Variants in TNFSF4 observed in about 807,000 individuals in gnomAD.
TNFSF4 encodes tumor necrosis factor ligand superfamily member 4.
Under a neutral mutation model 7.3 loss-of-function variants are expected in TNFSF4, and 4 were observed. The ratio of observed to expected loss-of-function variants is 0.55; its 90% CI spans 0.27 to 1.25. The LOEUF is 1.25. Among genes scored for constraint, TNFSF4 ranks in the 50% most tolerant of loss-of-function variants. TNFSF4 has a pLI of 0.12. For missense variants in TNFSF4, 181 were observed against 208.8 expected (o/e 0.87, Z 0.82); for synonymous variants, 76 against 83.7 (o/e 0.91, Z 0.50).
the TNFSF4 span, among the ~76,000 whole-genome samples, chr1:173,442,400 C>A: frequency 6.6e-6 from 1 of 152,124 alleles, no homozygotes; most frequent in South Asian, 2.1e-4. Context: ...AAACCAAATG[C>A]AACACCTCTC....
chr1:173,202,491 T>A (rs577963077), intron 1 of TNFSF4, among the ~76,000 whole-genome samples: 1 of 152,296 alleles, frequency 6.6e-6, no homozygotes, highest in East Asian at 1.9e-4. Context: ...TCTAATCAAC[T>A]CTTCAGGAAA....
the TNFSF4 span, among the ~76,000 whole-genome samples, chr1:173,412,035 G>A: frequency 0.076 from 11,346 of 149,016 alleles, 651 homozygotes; most frequent in East Asian, 0.28. Context: ...AGAATTGCTT[G>A]AACCTGGGAG....
chr1:173,446,265 TA>T, the TNFSF4 span, among the ~76,000 whole-genome samples: 802 of 150,900 alleles, frequency 5.3e-3, 15 homozygotes, highest in African/African-American at 0.018. Context: ...ATAGAAACTA[TA>T]AAAAAAAAGA....
At chr1:173,245,699 T>G in the TNFSF4 span, among the ~76,000 whole-genome samples, 1 of 152,204 alleles carries the variant, frequency 6.6e-6, no homozygotes, top group South Asian at 2.1e-4. Flanking sequence ...TCCTTCTATC[T>G]AACTGTAACT....
chr1:173,236,278 T>G, the TNFSF4 span, among the ~76,000 whole-genome samples: 3 of 152,176 alleles, frequency 2.0e-5, no homozygotes, highest in Admixed American at 2.0e-4. Flanking sequence ...TATAGATTAC[T>G]CTAGGAAACA....
the TNFSF4 span, among the ~76,000 whole-genome samples, chr1:173,272,198 G>A: frequency 1.3e-5 from 2 of 152,108 alleles, no homozygotes; most frequent in Non-Finnish European, 2.9e-5. Context: ...GGCCTGTCGT[G>A]GGGTGGTGGG....
the TNFSF4 span, among the ~76,000 whole-genome samples, chr1:173,338,995 T>TTA: frequency 1.3e-5 from 2 of 152,144 alleles, no homozygotes; most frequent in Non-Finnish European, 2.9e-5. Context: ...TACTATGCCC[T>TTA]GTGATTAAGG....
At chr1:173,318,283 A>G in the TNFSF4 span, among the ~76,000 whole-genome samples, 7 of 150,426 alleles carry the variant, frequency 4.7e-5, no homozygotes, top group Non-Finnish European at 1.0e-4. Context: ...TACTAAAAAT[A>G]CAAAAAGTTA....
chr1:173,214,917 G>A, the TNFSF4 span, among the ~76,000 whole-genome samples: 2 of 152,110 alleles, frequency 1.3e-5, no homozygotes, highest in African/African-American at 4.8e-5. Flanking sequence ...AAGATCATCT[G>A]GGTTTGCCTG....
intron 2 of TNFSF4, 143 bp from the exon 3 acceptor site, chr1:173,187,008 G>A (rs145096651): frequency 1.2e-4 from 71 of 597,010 alleles, no homozygotes; most frequent in African/African-American, 1.0e-3. Flanking sequence ...CCAAGATCCC[G>A]CCACTGCACT....
At chr1:173,207,964 A>G (rs1159680895), upstream of TNFSF4, among the ~76,000 whole-genome samples, 1 of 152,210 alleles carries the variant, frequency 6.6e-6, no homozygotes, top group African/African-American at 2.4e-5. Context: ...TTTTCTGCAT[A>G]CCAGAAAAGA....
the TNFSF4 span, among the ~76,000 whole-genome samples, chr1:173,398,457 C>T: frequency 7.4e-6 from 1 of 135,746 alleles, no homozygotes; most frequent in Non-Finnish European, 1.5e-5. Context: ...CAGAGTCTCG[C>T]TCTGTCACCC....
the TNFSF4 span, among the ~76,000 whole-genome samples, chr1:173,443,521 T>C: frequency 1.3e-5 from 2 of 152,140 alleles, no homozygotes; most frequent in Non-Finnish European, 2.9e-5. Context: ...TATTATACAA[T>C]AGTAGATGTA....
intron 1 of TNFSF4, among the ~76,000 whole-genome samples, chr1:173,199,578 T>C (rs768418402): frequency 3.9e-5 from 6 of 152,186 alleles, no homozygotes; most frequent in Non-Finnish European, 7.3e-5. Flanking sequence ...AAGGAAGGAT[T>C]CTTCTCTAGA....
chr1:173,303,434 C>T, the TNFSF4 span, among the ~76,000 whole-genome samples: 1 of 151,830 alleles, frequency 6.6e-6, no homozygotes, highest in Non-Finnish European at 1.5e-5. Context: ...CTGTGTTTTC[C>T]TGTCTGCTCT....
chr1:173,228,298 G>C, the TNFSF4 span, among the ~76,000 whole-genome samples: 1 of 152,334 alleles, frequency 6.6e-6, no homozygotes, highest in Non-Finnish European at 1.5e-5. Flanking sequence ...AGCCTCTGCT[G>C]GTGATACCCA....
chr1:173,367,567 G>A, the TNFSF4 span, among the ~76,000 whole-genome samples: 16 of 152,306 alleles, frequency 1.1e-4, no homozygotes, highest in South Asian at 3.3e-3. Flanking sequence ...AGTGTTAAGA[G>A]TCAGGGGGTT....
the TNFSF4 span, among the ~76,000 whole-genome samples, chr1:173,213,661 T>C: frequency 6.6e-6 from 1 of 152,250 alleles, no homozygotes; most frequent in Non-Finnish European, 1.5e-5. Context: ...CTTTCACAAT[T>C]GTATACACTC....
At chr1:173,332,486 G>A in the TNFSF4 span, among the ~76,000 whole-genome samples, 2 of 151,818 alleles carry the variant, frequency 1.3e-5, no homozygotes, top group Non-Finnish European at 2.9e-5. Flanking sequence ...AGCTGAGACT[G>A]TGCCATTGCA....
Sources: gnomAD v4.1 joint callset for allele counts (sites outside exome capture counted in the v4.1 genomes callset) on GRCh38, gnomAD v4.1.1 for gene constraint, MANE v1.5 for transcripts, NCBI Gene and HGNC (gene_info 2026-07-23, HGNC 2026-07-21) for gene names.